Variants in IMMP2L observed in about 807,000 individuals in gnomAD.
The protein encoded by IMMP2L is mitochondrial inner membrane protease subunit 2.
A neutral mutation model predicts 19.3 loss-of-function variants in IMMP2L; 18 were observed. The observed-to-expected ratio is 0.93, with a 90% CI of 0.64 to 1.38. The LOEUF (loss-of-function observed/expected upper bound fraction) is 1.38, where lower values mean the gene tolerates loss of function less well. IMMP2L is among the 40% of genes most tolerant of loss of function. IMMP2L has a pLI of 0.00. For synonymous variants in IMMP2L, 76 were observed against 73.0 expected (o/e 1.04, Z -0.21); for missense variants, 233 against 218.2 (o/e 1.07, Z -0.43).
At chr7:111,288,803 C>T (rs1421323018) in intron 3 of IMMP2L, among the ~76,000 whole-genome samples, 3 of 152,122 alleles carry the variant, frequency 2.0e-5, no homozygotes, top group Non-Finnish European at 4.4e-5. Flanking sequence ...AATAGGAACG[C>T]TTTTACACTG....
intron 5 of IMMP2L, among the ~76,000 whole-genome samples, chr7:110,800,005 T>C (rs1801135787): frequency 6.6e-6 from 1 of 152,104 alleles, no homozygotes; most frequent in Non-Finnish European, 1.5e-5. Context: ...AAATTGACCT[T>C]AAAGATTTGC....
chr7:111,122,007 C>G (rs564820019), intron 3 of IMMP2L, among the ~76,000 whole-genome samples: 1 of 149,050 alleles, frequency 6.7e-6, no homozygotes, highest in Non-Finnish European at 1.5e-5. Context: ...CATGTTCTCA[C>G]TCATAGTTGG....
chr7:111,068,350 G>T (rs566049859), intron 3 of IMMP2L, among the ~76,000 whole-genome samples: 1 of 152,102 alleles, frequency 6.6e-6, no homozygotes, highest in South Asian at 2.1e-4. Context: ...AATATATTTT[G>T]TATAGAATAA....
intron 1 of IMMP2L, among the ~76,000 whole-genome samples, chr7:111,535,291 A>G (rs1043308003): frequency 6.6e-6 from 1 of 152,120 alleles, no homozygotes; most frequent in African/African-American, 2.4e-5. Flanking sequence ...AAAAACAAAA[A>G]AAGGAAGCAA....
At chr7:110,937,020 A>G (rs977779886) in intron 4 of IMMP2L, among the ~76,000 whole-genome samples, 2 of 152,058 alleles carry the variant, frequency 1.3e-5, no homozygotes, top group African/African-American at 4.8e-5. Context: ...ACATGAACAA[A>G]CGGAGGGGAA....
At chr7:111,145,412 T>C (rs928115792) in intron 3 of IMMP2L, among the ~76,000 whole-genome samples, 7 of 152,100 alleles carry the variant, frequency 4.6e-5, no homozygotes, top group African/African-American at 1.4e-4. Context: ...CAATGTCATC[T>C]AGATATTTAA....
chr7:111,107,885 A>T (rs1463201956), intron 3 of IMMP2L, among the ~76,000 whole-genome samples: 1 of 152,172 alleles, frequency 6.6e-6, no homozygotes, highest in African/African-American at 2.4e-5. Context: ...ACTTTTAAGT[A>T]AATTTTACTA....
intron 3 of IMMP2L, among the ~76,000 whole-genome samples, chr7:111,445,581 A>C (rs1204371259): frequency 1.3e-5 from 2 of 152,198 alleles, no homozygotes; most frequent in African/African-American, 2.4e-5. Flanking sequence ...GTTCTCTAAG[A>C]CATGGGCATT....
chr7:110,844,555 G>A (rs565019062), intron 5 of IMMP2L, among the ~76,000 whole-genome samples: 1 of 151,754 alleles, frequency 6.6e-6, no homozygotes, highest in South Asian at 2.1e-4. Flanking sequence ...TAAGGTATTT[G>A]CCCTTCATCC....
intron 3 of IMMP2L, among the ~76,000 whole-genome samples, chr7:111,442,252 A>G (rs933248387): frequency 6.6e-6 from 1 of 151,858 alleles, no homozygotes; most frequent in African/African-American, 2.4e-5. Flanking sequence ...GCCACTTACC[A>G]TGCTCCACAA....
At chr7:110,681,398 A>G (rs1410437164) in intron 5 of IMMP2L, among the ~76,000 whole-genome samples, 1 of 152,124 alleles carries the variant, frequency 6.6e-6, no homozygotes, top group Non-Finnish European at 1.5e-5. Context: ...CATTTTCTGC[A>G]GAAAAAAACA....
At chr7:110,700,863 T>G (rs1314750342) in intron 5 of IMMP2L, among the ~76,000 whole-genome samples, 1 of 152,232 alleles carries the variant, frequency 6.6e-6, no homozygotes, top group Admixed American at 6.5e-5. Flanking sequence ...TGTACTGATA[T>G]AGTATGTATA....
At chr7:111,035,310 A>G (rs183834862) in intron 3 of IMMP2L, among the ~76,000 whole-genome samples, 1 of 152,252 alleles carries the variant, frequency 6.6e-6, no homozygotes, top group African/African-American at 2.4e-5. Context: ...TTCCACAAAA[A>G]CTGATGTTTG....
At chr7:110,767,524 T>G (rs1236691428) in intron 5 of IMMP2L, among the ~76,000 whole-genome samples, 1 of 152,152 alleles carries the variant, frequency 6.6e-6, no homozygotes, top group Non-Finnish European at 1.5e-5. Flanking sequence ...GACTTGCAAA[T>G]CCACTTCTCC....
intron 5 of IMMP2L, among the ~76,000 whole-genome samples, chr7:110,664,652 A>G (rs1371409936): frequency 7.2e-5 from 11 of 152,180 alleles, no homozygotes; most frequent in African/African-American, 2.7e-4. Flanking sequence ...TTACCCTTCA[A>G]CAGGTCTGAA....
At chr7:110,821,639 A>T (rs576671132) in intron 5 of IMMP2L, among the ~76,000 whole-genome samples, 42 of 152,148 alleles carry the variant, frequency 2.8e-4, no homozygotes, top group Admixed American at 7.9e-4. Flanking sequence ...TAGGCTGGGC[A>T]CAGTGGCTCA....
chr7:111,440,351 C>T (rs11977843), intron 3 of IMMP2L, among the ~76,000 whole-genome samples: 3,241 of 151,870 alleles, frequency 0.021, 207 homozygotes, highest in African/African-American at 0.075. Flanking sequence ...GACTAGAAAG[C>T]CAAAATTATT....
intron 3 of IMMP2L, among the ~76,000 whole-genome samples, chr7:111,254,227 C>CTTTTG (rs58665783): frequency 0.22 from 33,653 of 151,190 alleles, 5,531 homozygotes; most frequent in African/African-American, 0.46. Flanking sequence ...TGTTTCTTGT[C>CTTTTG]TTTTGTTTTG....
chr7:111,187,957 A>AT lies in IMMP2L; in HGVS notation c.240-224393dup, dbSNP rs1376050523. On this transcript the variant is annotated intron_variant, in intron 3 of 5. Transcript: ENST00000405709. ...CTATTGCTTCCAAAAGGGAAAATGG[A>AT]TTTTTTGTTTTTTAAAGGAGGGCAT... Among the ~76,000 whole-genome samples, 871 of 151,080 alleles carry AT rather than the reference A, an allele frequency of 5.8e-3. 12 individuals are homozygous for AT. The highest frequency in any genetic ancestry group is 0.018 in the African/African-American group (748 of 41,198).
Sources: allele counts gnomAD v4.1 joint callset (sites outside exome capture counted in the v4.1 genomes callset), GRCh38; gene constraint gnomAD v4.1.1; transcripts MANE v1.5; gene names NCBI Gene and HGNC (gene_info 2026-07-23, HGNC 2026-07-21).